PSG6: variants seen among roughly 807,000 people sequenced by gnomAD.
PSG6 encodes the protein pregnancy-specific beta-1-glycoprotein 6.
PSG6 carries 51 observed loss-of-function variants against 43.3 expected under a neutral mutation model. The observed-to-expected ratio is 1.18, with a 90% CI of 0.94 to 1.49. PSG6 has a LOEUF of 1.49. PSG6 is among the 40% of genes most tolerant of loss of function. The pLI, the probability that PSG6 is intolerant of heterozygous loss-of-function variation, is 0.00. For synonymous variants in PSG6, 292 were observed against 197.6 expected (o/e 1.48, Z -4.01); for missense variants, 770 against 522.2 (o/e 1.47, Z -4.62).
chr19:42,915,652 G>T (rs1000959556), intron 2 of PSG6: 37 of 190,918 alleles, frequency 1.9e-4, no homozygotes, highest in African/African-American at 8.5e-4. Flanking sequence ...GTCCCAGTAA[G>T]CCCTGCCAAA....
At position 42,912,467 on chromosome 19, in the gene PSG6, G is replaced by C. The variant is rs530564989; in HGVS notation, c.428-1609C>G. ...CAGGATCACATTATGCTCAAAGAAA[G>C]ATGCCAAAGGTGATTTGAAATTAGC... is the stretch of plus-strand genomic sequence containing the variant. On this transcript the variant is annotated intron_variant, in intron 2 of 5. Transcript: ENST00000187910. Among the ~76,000 whole-genome samples, 23 of 151,846 alleles carry C rather than the reference G, an allele frequency of 1.5e-4. 2 individuals carry two copies. The South Asian group carries it at 4.9e-3, about 32-fold the overall frequency.
intron 2 of PSG6, among the ~76,000 whole-genome samples, chr19:42,915,035 A>C (rs1475241480): frequency 6.6e-6 from 1 of 151,566 alleles, no homozygotes; most frequent in Non-Finnish European, 1.5e-5. Flanking sequence ...TTGGATGCCT[A>C]AGAAGAGAGG....
Position 42,908,638 on chromosome 19 carries a change from A to C in PSG6, c.707-784T>G, listed in dbSNP as rs1193823388. On this transcript the variant is annotated intron_variant, in intron 3 of 5. Transcript: ENST00000187910. ...CAGAGGGCAGGTGAGGACCATGTGG[A>C]TCTTTCTAGAAATACATGTGGACAT... 2.0e-5 allele frequency among the ~76,000 whole-genome samples: 3 copies of C among 151,728 alleles called. No homozygotes were observed. In the South Asian group the frequency reaches 6.3e-4, roughly 32 times the overall value.
chr19:42,908,408 G>A (rs1406750164), intron 3 of PSG6, among the ~76,000 whole-genome samples: 1 of 151,476 alleles, frequency 6.6e-6, no homozygotes, highest in Non-Finnish European at 1.5e-5. Context: ...CTGTAGGTCA[G>A]TTCAGTCATC....
chr19:42,911,853 G>T (rs1972232992), intron 2 of PSG6, among the ~76,000 whole-genome samples: 1 of 151,446 alleles, frequency 6.6e-6, no homozygotes, highest in African/African-American at 2.4e-5. Flanking sequence ...CATATCAGTG[G>T]ATTCCAGAGG....
chr19:42,910,203 A>C, intron 3 of PSG6: 3 of 391,860 alleles, frequency 7.7e-6, no homozygotes, highest in Middle Eastern at 7.7e-4. Context: ...GTCACAGGCG[A>C]TATTGTCAGA....
chr19:42,917,225 CTT>C lies in PSG6; in HGVS notation c.64+502_64+503del, dbSNP rs1458841178. Among the ~76,000 whole-genome samples the C allele has an allele frequency of 3.3e-5, 5 of 151,424 alleles. 1 individual carries two copies. The highest frequency in any genetic ancestry group is 1.2e-4 in the African/African-American group (5 of 41,192). On this transcript the variant is annotated intron_variant, in intron 1 of 5. Coordinates refer to ENST00000187910, the MANE Select transcript of PSG6 (RefSeq NM_001031850.4). The stretch of plus-strand genomic sequence containing the variant: ...GATGATTAATCAGGAAAACAGAACA[CTT>C]AAGATTTTACTACCTCTTACCAATT...
chr19:42,916,580 T>C, intron 1 of PSG6, 93 bp from the exon 2 acceptor site: 1 of 1,487,842 alleles, frequency 6.7e-7, no homozygotes. Flanking sequence ...TCTTCAATCA[T>C]CAGCCTTGAA....
intron 1 of PSG6, among the ~76,000 whole-genome samples, chr19:42,917,141 T>C (rs867800837): frequency 6.6e-6 from 1 of 151,300 alleles, no homozygotes; most frequent in Middle Eastern, 3.2e-3. Flanking sequence ...GTTACATTTT[T>C]ATTTGAGGTG....
intron 5 of PSG6, among the ~76,000 whole-genome samples, chr19:42,904,768 T>A (rs1033032110): frequency 1.3e-4 from 19 of 151,618 alleles, no homozygotes; most frequent in Admixed American, 4.0e-4. Context: ...AGTGACATTT[T>A]TGCAGAAAAA....
At chr19:42,916,816 C>G (rs768131869) in intron 1 of PSG6, among the ~76,000 whole-genome samples, 3 of 151,408 alleles carry the variant, frequency 2.0e-5, no homozygotes, top group Non-Finnish European at 4.4e-5. Flanking sequence ...TCAGGGCATC[C>G]TTAGACTTCT....
intron 2 of PSG6, among the ~76,000 whole-genome samples, chr19:42,913,641 T>TG (rs1443805435): frequency 2.0e-5 from 3 of 151,788 alleles, no homozygotes; most frequent in Non-Finnish European, 2.9e-5. Flanking sequence ...AATGAGCCTA[T>TG]GGGCTTAATT....
In PSG6 at chr19:42,910,730, G is replaced by C. The variant is rs375920194; in HGVS notation, c.556C>G (p.Leu186Val). 2.5e-6 allele frequency: 4 copies of C among 1,612,258 alleles called. No homozygotes were observed. The highest frequency in any genetic ancestry group is 3.4e-6 in the Non-Finnish European group (4 of 1,179,264). Residue 186 changes from leucine to valine, a missense_variant, in exon 3 of 6, where the codon CTC (leucine) becomes GTC (valine). Transcript: ENST00000187910. ...SYLWLLNGQN[L>V]PMTHRLQLSK... is the part of the protein sequence containing the mutation. ...AGCTGCAACCTGTGAGTCATAGGGAGGTTCTGACCATTCAGCAACCACAGG... is the reference window on the plus strand; with the variant it reads ...AGCTGCAACCTGTGAGTCATAGGGACGTTCTGACCATTCAGCAACCACAGG...
intron 5 of PSG6, among the ~76,000 whole-genome samples, chr19:42,903,880 A>T (rs1972073263): frequency 6.6e-6 from 1 of 151,628 alleles, no homozygotes; most frequent in African/African-American, 2.4e-5. Context: ...GGTGGCCTAC[A>T]GAGTGAGAGC....
chr19:42,905,568 C>A (rs549983961), intron 5 of PSG6, among the ~76,000 whole-genome samples: 2 of 151,780 alleles, frequency 1.3e-5, no homozygotes, highest in African/African-American at 4.8e-5. Context: ...AATTCCCCTT[C>A]TGGACATACT....
At chr19:42,907,354 C>G (rs918596945) in intron 4 of PSG6, among the ~76,000 whole-genome samples, 178 bp from the exon 5 acceptor site, 1 of 151,934 alleles carries the variant, frequency 6.6e-6, no homozygotes, top group African/African-American at 2.4e-5. Flanking sequence ...TCATTACAAG[C>G]TGTGGGCCCC....
rs1058781 is a variant in PSG6, at chr19:42,907,028, G to C, written c.1134C>G (p.Leu378=). 12 of 1,612,444 alleles carry C rather than the reference G, an allele frequency of 7.4e-6. No individual in the cohort carries two copies. Among genetic ancestry groups the C allele is most frequent in the Non-Finnish European group, 1.0e-5 (12 of 1,179,180 alleles). ...GATTTGTAGTAATTTGGGGGATAAA[G>C]AGCTTTTGTCCTGATAGCTGAAACT... ...NGKFQLSGQK[L]FIPQITTNHS... The change falls in exon 5 of 6, where the codon CTC becomes CTG. Residue 378 remains leucine, a synonymous_variant. Coordinates refer to ENST00000187910, the MANE Select transcript of PSG6 (RefSeq NM_001031850.4).
At chr19:42,916,571 C>T (rs1972339325) in intron 1 of PSG6, 84 bp from the exon 2 acceptor site, 2 of 1,502,302 alleles carry the variant, frequency 1.3e-6, no homozygotes, top group African/African-American at 2.8e-5. Flanking sequence ...GAGAAGGTCT[C>T]TTCAATCATC....
At chr19:42,910,532 T>A in intron 3 of PSG6, 48 bp downstream of exon 3, 1 of 1,612,504 alleles carries the variant, frequency 6.2e-7, no homozygotes, top group African/African-American at 1.3e-5. Context: ...TCTGGCCACT[T>A]GTATTTGGGA....
Sources: gnomAD v4.1 joint callset for allele counts (sites outside exome capture counted in the v4.1 genomes callset) on GRCh38, gnomAD v4.1.1 for gene constraint, MANE v1.5 for transcripts, NCBI Gene and HGNC (gene_info 2026-07-23, HGNC 2026-07-21) for gene names.